DAZAP1: variants seen among roughly 807,000 people sequenced by gnomAD.
DAZAP1 encodes the protein DAZ-associated protein 1.
DAZAP1 carries 6 observed loss-of-function variants against 60.1 expected under a neutral mutation model. The observed-to-expected ratio is 0.10, with a 90% CI of 0.05 to 0.20. The LOEUF is 0.20. Ranked by LOEUF, DAZAP1 falls within the 10% of genes least tolerant of loss-of-function variation. The probability of loss-of-function intolerance (pLI) is 1.00; values close to 1 mark genes in which losing one functional copy is unlikely to be tolerated. For missense variants in DAZAP1, 366 were observed against 560.4 expected (o/e 0.65, Z 3.50); for synonymous variants, 235 against 215.9 (o/e 1.09, Z -0.78).
At position 1,407,781 on chromosome 19, in the gene DAZAP1, A is replaced by G. The variant is rs1278085566; in HGVS notation, c.8A>G (p.Asn3Ser). Residue 3 changes from asparagine (N) to serine (S), a missense_variant, in exon 1 of 12, where the codon AAC becomes AGC. Around this residue, in one of 3 missense-constraint regions of DAZAP1, gnomAD observed 98 missense variants for 155.3 expected, o/e 0.63. Coordinates refer to ENST00000233078, the MANE Select transcript of DAZAP1 (RefSeq NM_018959.4). MN[N>S]SGADEIGKLF... ...GTCGCCGCCGCCGCCGCCATGAACAACTCGGGCGCCGACGAGATCGGGTGA... is the reference window on the plus strand; with the variant it reads ...GTCGCCGCCGCCGCCGCCATGAACAGCTCGGGCGCCGACGAGATCGGGTGA... 4.6e-6 allele frequency: 5 copies of G among 1,077,984 alleles called. No individual in the cohort carries two copies. In the East Asian group the frequency reaches 1.7e-4, roughly 36 times the overall value. 66.8% of individuals were successfully genotyped at this position (1,077,984 alleles called of 1,614,324 possible). A position where few individuals can be genotyped will look rare whatever the true frequency, so the allele number is the denominator to read the frequency against.
Position 1,430,244 on chromosome 19 carries a change from A to G in DAZAP1, c.753A>G (p.Ala251=). Residue 251 remains alanine (A), a synonymous_variant, in exon 10 of 12, where the codon GCA becomes GCG. Coordinates refer to ENST00000233078, the MANE Select transcript of DAZAP1 (RefSeq NM_018959.4). ...CAGGTGGCTATGGACCGCCCCCTGC[A>G]GGAAGAGGAGCCCCCCCGCCACCCC... ...QAIGGYGPPP[A]GRGAPPPPPP... 2 of 1,527,784 alleles carry G rather than the reference A, an allele frequency of 1.3e-6. No homozygotes were observed. Among genetic ancestry groups the G allele is most frequent in the Admixed American group, 2.0e-5 (1 of 51,146 alleles). The allele number at this position is 1,527,784 out of a possible 1,614,324, so 94.6% of individuals were successfully genotyped here.
chr19:1,434,723 A>G lies in DAZAP1; in HGVS notation c.1049-14A>G. 6.2e-7 allele frequency: 1 copy of G among 1,609,210 alleles called. No homozygotes were observed. The highest frequency in any genetic ancestry group is 8.5e-7 in the Non-Finnish European group (1 of 1,178,078). On this transcript the variant is annotated splice_polypyrimidine_tract_variant and intron_variant, in intron 11 of 11. Transcript: ENST00000233078. This position sits in a 1 kb window ranked among gnomAD's most constrained non-coding sequence, Gnocchi z 8.0. ...CCAGGGACCGCCCCGAGCTCACAGGACTTTCTCCCCCAGCAGGTTACGGGC... is the reference window on the plus strand; with the variant it reads ...CCAGGGACCGCCCCGAGCTCACAGGGCTTTCTCCCCCAGCAGGTTACGGGC...
At chr19:1,424,369 C>T (rs1268147927) in intron 6 of DAZAP1, among the ~76,000 whole-genome samples, 1 of 136,634 alleles carries the variant, frequency 7.3e-6, no homozygotes, top group African/African-American at 2.6e-5. Flanking sequence ...TCCCCCCTCC[C>T]CCTCCGTCTG....
chr19:1,421,325 T>G (rs746196414), intron 5 of DAZAP1, 67 bp downstream of exon 5: 260 of 1,468,044 alleles, frequency 1.8e-4, no homozygotes, highest in Non-Finnish European at 2.2e-4. Context: ...CTGGGCCTTC[T>G]TGGGGCTGGA....
intron 5 of DAZAP1, among the ~76,000 whole-genome samples, chr19:1,421,808 G>A (rs1237110987): frequency 6.6e-6 from 1 of 152,226 alleles, no homozygotes; most frequent in African/African-American, 2.4e-5. Context: ...GGACAGCCCT[G>A]CGTGCCTGAG....
At chr19:1,430,864 G>A (rs1433679275) in intron 10 of DAZAP1, among the ~76,000 whole-genome samples, 2 of 151,674 alleles carry the variant, frequency 1.3e-5, no homozygotes, top group Non-Finnish European at 2.9e-5. Flanking sequence ...GGGACTACAG[G>A]CGCTCGCCAC....
At chr19:1,414,565 T>C (rs1012649976) in intron 1 of DAZAP1, among the ~76,000 whole-genome samples, 6 of 151,576 alleles carry the variant, frequency 4.0e-5, no homozygotes, top group Non-Finnish European at 7.4e-5. Context: ...GCCAATATGG[T>C]GAAACCCCGT....
chr19:1,414,997 C>G (rs1246151784), intron 1 of DAZAP1, among the ~76,000 whole-genome samples: 5 of 151,656 alleles, frequency 3.3e-5, no homozygotes, highest in African/African-American at 1.2e-4. Context: ...CGTTACGTTG[C>G]CCAGGCTGGT....
chr19:1,413,927 C>A (rs549498838), intron 1 of DAZAP1, among the ~76,000 whole-genome samples: 1 of 152,080 alleles, frequency 6.6e-6, no homozygotes, highest in Non-Finnish European at 1.5e-5. Flanking sequence ...CCCTGCCAGA[C>A]TCACCATTGG....
intron 8 of DAZAP1, among the ~76,000 whole-genome samples, 184 bp downstream of exon 8, chr19:1,429,179 GCCT>G (rs1187756625): frequency 3.3e-5 from 5 of 152,396 alleles, no homozygotes; most frequent in Non-Finnish European, 4.4e-5. Context: ...AGCACCCGCA[GCCT>G]CCTCAGTAGC....
At position 1,433,695 on chromosome 19, in the gene DAZAP1, T is replaced by C. The variant is rs919508834; in HGVS notation, c.1048+1005T>C. 3 of 1,526,060 alleles carry C rather than the reference T, an allele frequency of 2.0e-6. No individual in the cohort carries two copies. The highest frequency in any genetic ancestry group is 1.1e-5 in the South Asian group (1 of 89,274). The allele number at this position is 1,526,060 out of a possible 1,614,324, so 94.5% of individuals were successfully genotyped here. ...GGCGTGTGTCAGCCGCTGCTCTTGG[T>C]GGCGGCTGCTTGGGTTGGTCACCCT... On this transcript the variant is annotated intron_variant, in intron 11 of 11. Coordinates refer to ENST00000233078, the MANE Select transcript of DAZAP1 (RefSeq NM_018959.4). The surrounding 1 kb of genome is among the most constrained non-coding windows in gnomAD (Gnocchi z 6.1).
At chr19:1,429,540 C>T (rs1056979394) in intron 8 of DAZAP1, among the ~76,000 whole-genome samples, 2 of 152,168 alleles carry the variant, frequency 1.3e-5, no homozygotes, top group African/African-American at 2.4e-5. Context: ...TCCAGATGTA[C>T]GTCGTCCGGG....
intron 1 of DAZAP1, among the ~76,000 whole-genome samples, chr19:1,412,428 G>A (rs1002405933): frequency 2.6e-5 from 4 of 152,230 alleles, no homozygotes; most frequent in African/African-American, 9.6e-5. Context: ...TCTTGAGATT[G>A]TGCACGGAGC....
chr19:1,414,164 C>T (rs572886798), intron 1 of DAZAP1, among the ~76,000 whole-genome samples: 5 of 151,774 alleles, frequency 3.3e-5, no homozygotes, highest in Admixed American at 1.3e-4. Flanking sequence ...ATTACAGGTG[C>T]GCACCACCGA....
intron 1 of DAZAP1, chr19:1,417,127 C>T (rs113864678): frequency 8.9e-5 from 20 of 225,560 alleles, no homozygotes; most frequent in South Asian, 1.8e-4. Flanking sequence ...CATTCTTTTT[C>T]CTGATTATAA....
At chr19:1,409,549 G>T (rs1307472190) in intron 1 of DAZAP1, among the ~76,000 whole-genome samples, 1 of 152,220 alleles carries the variant, frequency 6.6e-6, no homozygotes, top group Admixed American at 6.5e-5. Context: ...TCTCCTCCCC[G>T]GCTGCCAGGA....
rs2083218189 is a variant in DAZAP1, at chr19:1,423,467, T to G, written c.463+1071T>G. 6.6e-6 allele frequency among the ~76,000 whole-genome samples: 1 copy of G among 152,232 alleles called. No individual in the cohort carries two copies. Among genetic ancestry groups the G allele is most frequent in the African/African-American group, 2.4e-5 (1 of 41,458 alleles). Reference sequence around the variant, plus strand: ...ATTATATCACACAGGTACAGGCCAGTCCCGCAGTCAGAGGAGGGAGCGGCT... The same window carrying G: ...ATTATATCACACAGGTACAGGCCAGGCCCGCAGTCAGAGGAGGGAGCGGCT... On this transcript the variant is annotated intron_variant, in intron 6 of 11. Transcript: ENST00000233078. This position sits in a 1 kb window ranked among gnomAD's most constrained non-coding sequence, Gnocchi z 6.8.
intron 1 of DAZAP1, among the ~76,000 whole-genome samples, chr19:1,415,249 T>G (rs2144742251): frequency 6.6e-6 from 1 of 152,050 alleles, no homozygotes; most frequent in South Asian, 2.1e-4. Flanking sequence ...ACTGGGCTGC[T>G]TGGAGGACAC....
At chr19:1,424,303 G>A (rs1466863194) in intron 6 of DAZAP1, among the ~76,000 whole-genome samples, 1 of 143,524 alleles carries the variant, frequency 7.0e-6, no homozygotes, top group Non-Finnish European at 1.5e-5. Context: ...TGCCTTCCTG[G>A]TCCCTCCTCC....
Sources: allele counts gnomAD v4.1 joint callset (sites outside exome capture counted in the v4.1 genomes callset), GRCh38; gene constraint gnomAD v4.1.1; regional missense constraint gnomAD v4.1.1; non-coding constraint Gnocchi (gnomAD v3.1); transcripts MANE v1.5; gene names NCBI Gene and HGNC (gene_info 2026-07-23, HGNC 2026-07-21).